Variants in CACNG3 observed in about 807,000 individuals in gnomAD.
The protein encoded by CACNG3 is calcium voltage-gated channel auxiliary subunit gamma 3, also known as voltage-dependent calcium channel gamma-3 subunit.
A neutral mutation model predicts 28.5 loss-of-function variants in CACNG3; 3 were observed. That is an observed-to-expected ratio of 0.11 (90% CI 0.05 to 0.27). The LOEUF (loss-of-function observed/expected upper bound fraction) is 0.27, where lower values mean the gene tolerates loss of function less well. Ranked by LOEUF, CACNG3 falls within the 10% of genes least tolerant of loss-of-function variation. The pLI is 1.00. For synonymous variants in CACNG3, 174 were observed against 162.2 expected (o/e 1.07, Z -0.55); for missense variants, 236 against 414.4 (o/e 0.57, Z 3.74).
intron 1 of CACNG3, among the ~76,000 whole-genome samples, chr16:24,328,181 G>A (rs1273104841): frequency 2.0e-5 from 3 of 152,026 alleles, no homozygotes; most frequent in Non-Finnish European, 1.5e-5. Context: ...GTGTGGTGCT[G>A]TGAGGGCAGA....
At chr16:24,262,342 G>A (rs1449823981) in intron 1 of CACNG3, among the ~76,000 whole-genome samples, 1 of 152,228 alleles carries the variant, frequency 6.6e-6, no homozygotes, top group African/African-American at 2.4e-5. Context: ...GGGAGGGAGT[G>A]ACCCTGACTG....
intron 1 of CACNG3, among the ~76,000 whole-genome samples, chr16:24,317,632 C>A (rs12919191): frequency 0.083 from 4,356 of 52,184 alleles, 382 homozygotes; most frequent in Middle Eastern, 0.14. Flanking sequence ...GAAAGACAGA[C>A]AGAAAGAAAG....
At position 24,262,245 on chromosome 16, in the gene CACNG3, G is replaced by C. The variant is rs187453925; in HGVS notation, c.211+5280G>C. 6.3e-4 allele frequency among the ~76,000 whole-genome samples: 96 copies of C among 152,262 alleles called. 1 individual carries two copies. The highest frequency in any genetic ancestry group is 1.1e-3 in the Non-Finnish European group (72 of 68,024). On this transcript the variant is annotated intron_variant, in intron 1 of 3. Transcript: ENST00000005284. ...CTTCCCTACTCCTGACCTTCTCCCA[G>C]TTCCTTTTTCTGTATTCTTCCTCCT...
chr16:24,361,761 C>T lies in CACNG3; in HGVS notation c.846C>T (p.Ser282=), dbSNP rs757499213. Residue 282 remains serine, a synonymous_variant, in exon 4 of 4, where the codon TCC becomes TCT. Transcript: ENST00000005284. This position sits in a 1 kb window ranked among gnomAD's most constrained non-coding sequence, Gnocchi z 6.8. ...TCACCATGGGGACCCTCCTCAACTC[C>T]GACCGGGACCACGCTTTTCTACAGT... ...SKITMGTLLN[S]DRDHAFLQFH... 6.2e-6 allele frequency: 10 copies of T among 1,613,938 alleles called. No homozygotes were observed. The highest frequency in any genetic ancestry group is 5.5e-5 in the South Asian group (5 of 91,078).
intron 1 of CACNG3, among the ~76,000 whole-genome samples, chr16:24,327,324 CA>C (rs1899563967): frequency 6.7e-6 from 1 of 149,066 alleles, no homozygotes; most frequent in African/African-American, 2.5e-5. Flanking sequence ...TTTGGGAGGG[CA>C]AAGTGAGAGG....
intron 1 of CACNG3, among the ~76,000 whole-genome samples, chr16:24,336,348 T>G (rs1390077716): frequency 6.6e-6 from 1 of 150,498 alleles, no homozygotes; most frequent in Non-Finnish European, 1.5e-5. Context: ...CTCAGCTCAC[T>G]GCAAGCTCTG....
chr16:24,284,173 T>G (rs1052198233), intron 1 of CACNG3, among the ~76,000 whole-genome samples: 1 of 152,210 alleles, frequency 6.6e-6, no homozygotes, highest in Non-Finnish European at 1.5e-5. Flanking sequence ...TAATTTAGGA[T>G]TTTTCTATAC....
At chr16:24,349,318 T>C (rs906283055) in intron 2 of CACNG3, among the ~76,000 whole-genome samples, 2 of 152,208 alleles carry the variant, frequency 1.3e-5, no homozygotes, top group East Asian at 3.8e-4. Flanking sequence ...ACAGGGTTCT[T>C]GGATCTCACA....
intron 1 of CACNG3, among the ~76,000 whole-genome samples, chr16:24,324,959 C>G (rs1281248052): frequency 6.6e-6 from 1 of 152,162 alleles, no homozygotes; most frequent in Non-Finnish European, 1.5e-5. Flanking sequence ...TCACTCTGAG[C>G]CCCTTATGTT....
chr16:24,317,708 G>GAAAGAAAGAAAGAAAGAAAGA, intron 1 of CACNG3, among the ~76,000 whole-genome samples: 1 of 108,500 alleles, frequency 9.2e-6, no homozygotes, highest in Non-Finnish European at 1.9e-5. Context: ...AAGAAAGAAA[G>GAAAGAAAGAAAGAAAGAAAGA]AAAGAAAAGA....
chr16:24,266,035 G>T (rs756406991), intron 1 of CACNG3, among the ~76,000 whole-genome samples: 5 of 152,092 alleles, frequency 3.3e-5, no homozygotes, highest in Non-Finnish European at 5.9e-5. Context: ...ATCACAGACC[G>T]TTCATGTAAT....
At chr16:24,329,579 G>A (rs1899605121) in intron 1 of CACNG3, among the ~76,000 whole-genome samples, 1 of 152,200 alleles carries the variant, frequency 6.6e-6, no homozygotes, top group Non-Finnish European at 1.5e-5. Context: ...TCTCTCAGGA[G>A]TTGAGACGTC....
At chr16:24,313,695 A>C (rs1382048882) in intron 1 of CACNG3, among the ~76,000 whole-genome samples, 1 of 152,030 alleles carries the variant, frequency 6.6e-6, no homozygotes, top group Non-Finnish European at 1.5e-5. Flanking sequence ...CCTGGCTTCA[A>C]ATGGTGCTCC....
At chr16:24,302,498 A>C (rs1165683569) in intron 1 of CACNG3, among the ~76,000 whole-genome samples, 1 of 151,978 alleles carries the variant, frequency 6.6e-6, no homozygotes, top group Non-Finnish European at 1.5e-5. Flanking sequence ...TCTGTTGCCC[A>C]TGCTGGAGTG....
intron 1 of CACNG3, among the ~76,000 whole-genome samples, chr16:24,330,955 T>A (rs1746772098): frequency 6.6e-6 from 1 of 152,242 alleles, no homozygotes; most frequent in Admixed American, 6.5e-5. Context: ...TCTGGTTTTT[T>A]TCCATTGCAT....
At chr16:24,297,987 CTGTGTGTGTG>C (rs55859502) in intron 1 of CACNG3, among the ~76,000 whole-genome samples, 44 of 149,114 alleles carry the variant, frequency 3.0e-4, no homozygotes, top group African/African-American at 4.4e-4. Context: ...TTCAAAAGAT[CTGTGTGTGTG>C]TGTGTGTGTG....
At chr16:24,285,970 G>A (rs71391555) in intron 1 of CACNG3, among the ~76,000 whole-genome samples, 5,316 of 151,248 alleles carry the variant, frequency 0.035, 130 homozygotes, top group Middle Eastern at 0.078. Context: ...CAGCTTCCCA[G>A]GTAGCTGGGA....
At chr16:24,316,251 T>C (rs892122734) in intron 1 of CACNG3, among the ~76,000 whole-genome samples, 1 of 150,366 alleles carries the variant, frequency 6.7e-6, no homozygotes, top group Non-Finnish European at 1.5e-5. Flanking sequence ...CAAGCACAGC[T>C]CTCCTTTCTC....
chr16:24,311,909 C>T (rs11644102), intron 1 of CACNG3, among the ~76,000 whole-genome samples: 46,933 of 152,192 alleles, frequency 0.31, 8,166 homozygotes, highest in South Asian at 0.46. Flanking sequence ...AGGAAAGAGA[C>T]GGTGCTTCTC....
Sources: gnomAD v4.1 joint callset for allele counts (sites outside exome capture counted in the v4.1 genomes callset) on GRCh38, gnomAD v4.1.1 for gene constraint, Gnocchi (gnomAD v3.1) non-coding constraint, MANE v1.5 for transcripts, NCBI Gene and HGNC (gene_info 2026-07-23, HGNC 2026-07-21) for gene names.